CBR4: variants seen among roughly 807,000 people sequenced by gnomAD.
CBR4 encodes the protein carbonyl reductase 4, also known as 3-oxoacyl-[acyl-carrier-protein] reductase.
A neutral mutation model predicts 21.0 loss-of-function variants in CBR4; 22 were observed. The observed-to-expected ratio is 1.05, with a 90% CI of 0.75 to 1.50. The LOEUF (loss-of-function observed/expected upper bound fraction) is 1.50, where lower values mean the gene tolerates loss of function less well. Ranked by LOEUF, CBR4 falls within the 40% of genes most tolerant of loss-of-function variation. The pLI, the probability that CBR4 is intolerant of heterozygous loss-of-function variation, is 0.00. For missense variants in CBR4, 302 were observed against 286.3 expected (o/e 1.05, Z -0.40); for synonymous variants, 100 against 104.4 (o/e 0.96, Z 0.26).
chr4:168,988,798 A>C lies in CBR4; in HGVS notation c.*1352T>G, dbSNP rs781587975. ...TAAAATAATTTTTAAGGAACCCAGA[A>C]TTTTTATTTAGAACACTGCTTTGAC... is the stretch of plus-strand genomic sequence containing the variant. On this transcript the variant is annotated 3_prime_UTR_variant, in exon 5 of 5. Coordinates refer to ENST00000306193, the MANE Select transcript of CBR4 (RefSeq NM_032783.5). 1.0e-6 allele frequency: 1 copy of C among 953,214 alleles called. No individual in the cohort carries two copies. The highest frequency in any genetic ancestry group is 1.2e-6 in the Non-Finnish European group (1 of 800,704). 59.0% of individuals were successfully genotyped at this position (953,214 alleles called of 1,614,324 possible). A position where few individuals can be genotyped will look rare whatever the true frequency, so the allele number is the denominator to read the frequency against.
intron 2 of CBR4, among the ~76,000 whole-genome samples, chr4:168,903,294 T>A (rs1582037122): frequency 2.0e-5 from 3 of 152,252 alleles, no homozygotes; most frequent in East Asian, 3.9e-4. Context: ...GTGAAATGAT[T>A]AGAGTTTGGG....
intron 2 of CBR4, among the ~76,000 whole-genome samples, chr4:168,909,500 G>A (rs1191401548): frequency 6.6e-6 from 1 of 152,144 alleles, no homozygotes; most frequent in African/African-American, 2.4e-5. Context: ...TGTTTGGAAT[G>A]GAAAAGTAAC....
intron 4 of CBR4, among the ~76,000 whole-genome samples, chr4:168,999,028 T>C (rs1730179537): frequency 6.6e-6 from 1 of 152,130 alleles, no homozygotes; most frequent in Admixed American, 6.5e-5. Flanking sequence ...GCCATTACAG[T>C]TTCCATTTAT....
Position 169,001,885 on chromosome 4 carries a change from A to AC in CBR4, c.535+185dup, listed in dbSNP as rs927452847. 59 of 434,782 alleles carry AC rather than the reference A, an allele frequency of 1.4e-4. 1 individual carries two copies. In the Admixed American group the frequency reaches 2.0e-3, roughly 15 times the overall value. The allele number at this position is 434,782 out of a possible 1,614,324, so 26.9% of individuals were successfully genotyped here. On this transcript the variant is annotated intron_variant, in intron 4 of 4. Coordinates refer to ENST00000306193, the MANE Select transcript of CBR4 (RefSeq NM_032783.5). ...TTTAGAGCAATGCAAACAGGCTAAC[A>AC]CATAGACTTTATATAGAATATGAGG...
intron 2 of CBR4, among the ~76,000 whole-genome samples, chr4:168,921,267 C>T (rs1582207606): frequency 6.6e-6 from 1 of 151,610 alleles, no homozygotes; most frequent in African/African-American, 2.4e-5. Flanking sequence ...ATTAGGCTGG[C>T]ATAGTGGCAG....
At position 168,988,105 on chromosome 4, in the gene CBR4, C is replaced by T; in HGVS notation, c.*2045G>A. The T allele has an allele frequency of 1.0e-6, 1 of 985,238 alleles. No homozygotes were observed. The highest frequency in any genetic ancestry group is 1.2e-6 in the Non-Finnish European group (1 of 829,844). The allele number at this position is 985,238 out of a possible 1,614,324, so 61.0% of individuals were successfully genotyped here. ...TCACTGAGGTTCTTAAACCTCTGAACATAAGGCAACAGTTCACAACTGATT... is the reference window on the plus strand; with the variant it reads ...TCACTGAGGTTCTTAAACCTCTGAATATAAGGCAACAGTTCACAACTGATT... On this transcript the variant is annotated 3_prime_UTR_variant, in exon 5 of 5. Coordinates refer to ENST00000306193, the MANE Select transcript of CBR4 (RefSeq NM_032783.5).
chr4:169,005,183 A>G (rs1311641792), intron 3 of CBR4: 1 of 152,226 alleles, frequency 6.6e-6, no homozygotes, highest in East Asian at 1.9e-4. Context: ...AGGGGTGTTT[A>G]TCAGAAAGAA....
At position 168,933,193 on chromosome 4, in the gene CBR4, A is replaced by C. The variant is rs147522736; in HGVS notation, n.170-38428T>G. On this transcript the variant is annotated intron_variant and non_coding_transcript_variant, in intron 2 of 3. Coordinates refer to the CBR4 transcript ENST00000509108. ...AAATAACCTTGAATGTAAATAAATTAAATTCCCCAATTAAAAGACGTTGAA... is the reference window on the plus strand; with the variant it reads ...AAATAACCTTGAATGTAAATAAATTCAATTCCCCAATTAAAAGACGTTGAA... Among the ~76,000 whole-genome samples the C allele has an allele frequency of 4.8e-3, 731 of 152,316 alleles. 7 individuals are homozygous for C. Among genetic ancestry groups the C allele is most frequent in the Admixed American group, 5.4e-3 (83 of 15,300 alleles).
In CBR4 at chr4:168,994,702, C is replaced by T. The variant is rs1765098584; in HGVS notation, c.536-4374G>A. Among the ~76,000 whole-genome samples the T allele has an allele frequency of 2.6e-5, 4 of 151,916 alleles. No homozygotes were observed. In the South Asian group the frequency reaches 8.3e-4, roughly 32 times the overall value. ...CAAGCAATTATCCTGCCTCAGCCTC[C>T]CCAGCAGCTGGGACAACAGGCGCCT... On this transcript the variant is annotated intron_variant, in intron 4 of 4. Transcript: ENST00000306193.
intron 2 of CBR4, among the ~76,000 whole-genome samples, chr4:168,980,478 G>A (rs1256737376): frequency 6.6e-6 from 1 of 152,218 alleles, no homozygotes; most frequent in Non-Finnish European, 1.5e-5. Flanking sequence ...GCTCACGCCT[G>A]TAATCCCAGC....
intron 4 of CBR4, among the ~76,000 whole-genome samples, chr4:168,999,125 T>C (rs1262364154): frequency 3.9e-5 from 6 of 152,126 alleles, no homozygotes; most frequent in South Asian, 2.1e-4. Context: ...ATACCAAAGA[T>C]TAGCAGCTAT....
intron 2 of CBR4, among the ~76,000 whole-genome samples, chr4:168,913,507 A>T (rs1171274998): frequency 1.3e-5 from 2 of 152,174 alleles, no homozygotes; most frequent in Admixed American, 6.5e-5. Context: ...GAAATCATCT[A>T]GGTTTGATTT....
intron 2 of CBR4, among the ~76,000 whole-genome samples, chr4:168,939,650 T>C (rs1763207512): frequency 6.7e-6 from 1 of 150,350 alleles, no homozygotes; most frequent in South Asian, 2.1e-4. Flanking sequence ...TATACACCAA[T>C]AACAGAGAGC....
chr4:168,925,239 G>A lies in CBR4; in HGVS notation n.170-30474C>T, dbSNP rs184419827. The A allele has an allele frequency of 2.7e-5, 43 of 1,608,644 alleles. No homozygotes were observed. The East Asian group carries it at 6.2e-4, about 23-fold the overall frequency. ...TCTCTCTTTCTATTTGTAGTTTCTC[G>A]ACATTAATAGTGAACCACACCAGGA... On this transcript the variant is annotated intron_variant and non_coding_transcript_variant, in intron 2 of 3. Transcript: ENST00000509108.
intron 2 of CBR4, among the ~76,000 whole-genome samples, chr4:168,942,686 C>T (rs1251434964): frequency 1.3e-5 from 2 of 152,134 alleles, no homozygotes; most frequent in African/African-American, 4.8e-5. Flanking sequence ...AGTGAACAGA[C>T]AACCTACACA....
At chr4:168,982,224 T>C (rs961982998) in intron 2 of CBR4, among the ~76,000 whole-genome samples, 3 of 152,038 alleles carry the variant, frequency 2.0e-5, no homozygotes, top group Non-Finnish European at 4.4e-5. Context: ...ATGGAAGAAA[T>C]CTATCAAGCA....
chr4:168,916,806 G>A (rs1413254261), intron 2 of CBR4, among the ~76,000 whole-genome samples: 2 of 150,546 alleles, frequency 1.3e-5, no homozygotes, highest in African/African-American at 4.9e-5. Flanking sequence ...GAGTAGCTGC[G>A]ATTACAGGCA....
chr4:168,950,393 C>T (rs1763506712), intron 2 of CBR4, among the ~76,000 whole-genome samples: 1 of 152,102 alleles, frequency 6.6e-6, no homozygotes, highest in South Asian at 2.1e-4. Flanking sequence ...CATGTATTTG[C>T]ATGGTTTTGT....
In CBR4 at chr4:168,988,143, G is replaced by T. The variant is rs1764755478; in HGVS notation, c.*2007C>A. 1.0e-6 allele frequency: 1 copy of T among 985,256 alleles called. No homozygotes were observed. The highest frequency in any genetic ancestry group is 1.2e-6 in the Non-Finnish European group (1 of 829,830). The allele number at this position is 985,256 out of a possible 1,614,324, so 61.0% of individuals were successfully genotyped here. ...TTCACAACTGATTTCAGAAATAGAAGGTAAGTATTAAATTACAAATTCTAC... is the reference window on the plus strand; with the variant it reads ...TTCACAACTGATTTCAGAAATAGAATGTAAGTATTAAATTACAAATTCTAC... On this transcript the variant is annotated 3_prime_UTR_variant, in exon 5 of 5. Coordinates refer to ENST00000306193, the MANE Select transcript of CBR4 (RefSeq NM_032783.5).
Sources: allele counts gnomAD v4.1 joint callset (sites outside exome capture counted in the v4.1 genomes callset), GRCh38; gene constraint gnomAD v4.1.1; transcripts MANE v1.5; gene names NCBI Gene and HGNC (gene_info 2026-07-23, HGNC 2026-07-21).